Variants in CD200R1L observed in about 807,000 individuals in gnomAD.
CD200R1L encodes cell surface glycoprotein CD200 receptor 2.
A neutral mutation model predicts 24.8 loss-of-function variants in CD200R1L; 14 were observed. The ratio of observed to expected loss-of-function variants is 0.56; its 90% CI spans 0.37 to 0.88. The LOEUF is 0.88. Ranked by LOEUF, CD200R1L falls within the 40% of genes least tolerant of loss-of-function variation. The pLI is 0.00. For missense variants in CD200R1L, 299 were observed against 297.8 expected, an observed-to-expected ratio of 1.00 and a Z score of -0.03; for synonymous variants, 111 against 109.2, an observed-to-expected ratio of 1.02 and a Z score of -0.11.
chr3:112,831,823 C>T (rs937663413), intron 3 of CD200R1L, among the ~76,000 whole-genome samples: 3 of 152,184 alleles, frequency 2.0e-5, no homozygotes, highest in African/African-American at 7.2e-5. Flanking sequence ...AATAGATTTC[C>T]ATTGCCTCCA....
chr3:112,823,481 G>C (rs1474499907), intron 6 of CD200R1L, among the ~76,000 whole-genome samples: 4 of 152,218 alleles, frequency 2.6e-5, no homozygotes, highest in Non-Finnish European at 5.9e-5. Context: ...CAGGTAGTTA[G>C]TGTCTGAATT....
intron 3 of CD200R1L, among the ~76,000 whole-genome samples, chr3:112,833,103 A>T (rs1202173794): frequency 1.3e-5 from 2 of 152,208 alleles, no homozygotes; most frequent in Non-Finnish European, 2.9e-5. Context: ...CCCCTCTCGA[A>T]AAAAGGACAA....
intron 3 of CD200R1L, 21 bp from the exon 4 acceptor site, chr3:112,829,405 A>G (rs753509950): frequency 6.2e-7 from 1 of 1,601,950 alleles, no homozygotes; most frequent in South Asian, 1.1e-5. Flanking sequence ...TTTAGAGAAG[A>G]ATAAGCGAAA....
intron 3 of CD200R1L, among the ~76,000 whole-genome samples, chr3:112,833,002 C>T (rs184306412): frequency 4.6e-5 from 7 of 152,340 alleles, no homozygotes; most frequent in African/African-American, 1.7e-4. Flanking sequence ...CACATGCATT[C>T]CAGAGGTGAG....
rs755772483 is a variant in CD200R1L at position 112,815,982 on chromosome 3, G to A, written c.741-7C>T. 1.3e-6 allele frequency: 1 copy of A among 780,242 alleles called. No homozygotes were observed. Among genetic ancestry groups the A allele is most frequent in the African/African-American group, 1.7e-5 (1 of 59,110 alleles). The allele number at this position is 780,242 out of a possible 1,614,324, so 48.3% of individuals were successfully genotyped here. A position where few individuals can be genotyped will look rare whatever the true frequency, so the allele number is the denominator to read the frequency against. On this transcript the variant is annotated splice_region_variant and splice_polypyrimidine_tract_variant and intron_variant, in intron 7 of 7. Coordinates refer to ENST00000488794, the MANE Select transcript of CD200R1L (RefSeq NM_001199215.3). ...TCTTCTTTAAAGAACTTTTCTGAAA[G>A]TATTACACAAGATTTGTATTTATAT...
At position 112,827,391 on chromosome 3, in the gene CD200R1L, G is replaced by A. The variant is rs759544199; in HGVS notation, c.343C>T (p.Arg115Cys). ...CCTAACACTTGGAGGTGATATCCAC[G>A]ATGGAAATTCCCATCAGGTGTTACC... The part of the protein sequence containing the change: ...IVVTPDGNFH[R>C]GYHLQVLVTP... Residue 115 changes from arginine to cysteine, a missense_variant, in exon 5 of 8, where the codon CGT becomes TGT. Coordinates refer to ENST00000488794, the MANE Select transcript of CD200R1L (RefSeq NM_001199215.3). 24 of 1,613,746 alleles carry A rather than the reference G, an allele frequency of 1.5e-5. No individual in the cohort carries two copies. The highest frequency in any genetic ancestry group is 3.3e-4 in the Middle Eastern group (2 of 6,080).
chr3:112,836,699 G>T (rs1938957445), intron 3 of CD200R1L, among the ~76,000 whole-genome samples: 1 of 152,186 alleles, frequency 6.6e-6, no homozygotes, highest in Non-Finnish European at 1.5e-5. Flanking sequence ...ATTAGGTAAA[G>T]TATATTAGTA....
intron 2 of CD200R1L, among the ~76,000 whole-genome samples, chr3:112,841,796 C>G (rs1340361262): frequency 6.6e-6 from 1 of 152,188 alleles, no homozygotes; most frequent in East Asian, 1.9e-4. Context: ...GGTGCTCAAT[C>G]CTGAGGTGTC....
intron 6 of CD200R1L, among the ~76,000 whole-genome samples, chr3:112,825,334 C>T (rs974727254): frequency 2.0e-5 from 3 of 149,786 alleles, no homozygotes; most frequent in Non-Finnish European, 4.4e-5. Context: ...CCCAAAGAGG[C>T]CCACATGCAT....
At chr3:112,817,220 T>C (rs1938416967) in intron 7 of CD200R1L, among the ~76,000 whole-genome samples, 1 of 151,882 alleles carries the variant, frequency 6.6e-6, no homozygotes, top group Non-Finnish European at 1.5e-5. Flanking sequence ...ATATTATATA[T>C]AGTATATATA....
chr3:112,823,437 C>T (rs115490081), intron 6 of CD200R1L, among the ~76,000 whole-genome samples: 9 of 152,342 alleles, frequency 5.9e-5, no homozygotes, highest in African/African-American at 2.2e-4. Context: ...TCTTATGAGA[C>T]TAAGCCTTTA....
intron 7 of CD200R1L, among the ~76,000 whole-genome samples, chr3:112,818,297 G>A (rs12490590): frequency 0.016 from 2,463 of 152,252 alleles, 27 homozygotes; most frequent in Non-Finnish European, 0.026. Context: ...CTTACTCTTA[G>A]CATCATTAAT....
At chr3:112,834,647 A>G (rs770933287) in intron 3 of CD200R1L, among the ~76,000 whole-genome samples, 4 of 152,186 alleles carry the variant, frequency 2.6e-5, no homozygotes, top group Non-Finnish European at 4.4e-5. Context: ...TTTTGCTGTG[A>G]TCCACTGGGC....
chr3:112,835,785 A>C lies in CD200R1L; in HGVS notation c.-18+2157T>G, dbSNP rs909766125. Among the ~76,000 whole-genome samples, 6 of 152,330 alleles carry C rather than the reference A, an allele frequency of 3.9e-5. No homozygotes were observed. The East Asian group carries it at 1.2e-3, about 29-fold the overall frequency. Reference sequence around the variant, plus strand: ...TGGTGCCCAAAGTCTGGAGGGGGCCAAGGTGGCAGGGCTTCTGCCTGTTCC... The same window carrying C: ...TGGTGCCCAAAGTCTGGAGGGGGCCCAGGTGGCAGGGCTTCTGCCTGTTCC... On this transcript the variant is annotated intron_variant, in intron 3 of 7. Transcript: ENST00000488794.
chr3:112,834,335 T>C lies in CD200R1L; in HGVS notation c.-18+3607A>G, dbSNP rs182596153. On this transcript the variant is annotated intron_variant, in intron 3 of 7. Transcript: ENST00000488794. ...TCACTGCAACCTCCACCTCCCTTCA[T>C]TGTCATTCTTATTGACTCGTTTAGA... 3.8e-3 allele frequency among the ~76,000 whole-genome samples: 579 copies of C among 151,764 alleles called. 3 individuals are homozygous for C. Among genetic ancestry groups the C allele is most frequent in the African/African-American group, 0.013 (521 of 41,348 alleles).
chr3:112,827,096 C>T lies in CD200R1L; in HGVS notation c.513G>A (p.Val171=). 1 of 1,613,416 alleles carries T rather than the reference C, an allele frequency of 6.2e-7. No homozygotes were observed. The highest frequency in any genetic ancestry group is 8.5e-7 in the Non-Finnish European group (1 of 1,180,030). The change falls in exon 6 of 8, where the codon GTG becomes GTA. Residue 171 remains valine, a synonymous_variant. Transcript: ENST00000488794. Reference sequence around the variant, plus strand: ...CCCAGGGGCATGTACTCTTAACCGTCACTGTGCCATTGCCCCAGTATTCTT... The same window carrying T: ...CCCAGGGGCATGTACTCTTAACCGTTACTGTGCCATTGCCCCAGTATTCTT... ...TKQEYWGNGT[V]TVKSTCPWEG...
At chr3:112,841,764 G>C (rs1231566975) in intron 2 of CD200R1L, among the ~76,000 whole-genome samples, 1 of 152,194 alleles carries the variant, frequency 6.6e-6, no homozygotes, top group Non-Finnish European at 1.5e-5. Flanking sequence ...TCCAGGAGCA[G>C]TTTGGCCCCC....
intron 2 of CD200R1L, among the ~76,000 whole-genome samples, chr3:112,842,711 G>A (rs1212579241): frequency 1.3e-5 from 2 of 152,178 alleles, no homozygotes; most frequent in Admixed American, 1.3e-4. Context: ...CCTGGGGGAA[G>A]GTCTATAAAC....
intron 3 of CD200R1L, among the ~76,000 whole-genome samples, chr3:112,835,761 G>T (rs1457348837): frequency 1.3e-5 from 2 of 152,304 alleles, no homozygotes; most frequent in South Asian, 4.1e-4. Context: ...CATGCTTATT[G>T]GTGCCCAAAG....
Sources: allele counts gnomAD v4.1 joint callset (sites outside exome capture counted in the v4.1 genomes callset), GRCh38; gene constraint gnomAD v4.1.1; transcripts MANE v1.5; gene names NCBI Gene and HGNC (gene_info 2026-07-23, HGNC 2026-07-21).